The following MAP3K9 variants were observed in gnomAD, a reference collection of about 807,000 sequenced individuals.
MAP3K9 encodes the protein mixed lineage kinase 1 (tyr and ser/thr specificity).
In MAP3K9, 46 loss-of-function variants were observed where a neutral mutation model predicts 95.8. That is an observed-to-expected ratio of 0.48 (90% confidence interval 0.38 to 0.61). The LOEUF (loss-of-function observed/expected upper bound fraction) is 0.61, where lower values mean the gene tolerates loss of function less well. MAP3K9 is among the 20% of genes least tolerant of loss of function. The probability of loss-of-function intolerance (pLI) is 0.00; values close to 1 mark genes in which losing one functional copy is unlikely to be tolerated. For synonymous variants in MAP3K9, 533 were observed against 593.8 expected, an observed-to-expected ratio of 0.90 and a Z score of 1.49; for missense variants, 1,296 against 1,474.3, an observed-to-expected ratio of 0.88 and a Z score of 1.98.
chr14:70,800,647 C>A lies in MAP3K9; in HGVS notation c.820+20G>T. 6.2e-7 allele frequency: 1 copy of A among 1,604,976 alleles called. No homozygotes were observed. The highest frequency in any genetic ancestry group is 8.5e-7 in the Non-Finnish European group (1 of 1,175,204). ...CTGCAACTGCTCTGAGCCCCTCCAG[C>A]CCCATCTCTTCATACTCACTGTTGC... On this transcript the variant is annotated intron_variant, in intron 2 of 11. Coordinates refer to ENST00000554752, the MANE Select transcript of MAP3K9 (RefSeq NM_001284230.2).
At chr14:70,806,200 G>A (rs1286878198) in intron 1 of MAP3K9, among the ~76,000 whole-genome samples, 1 of 152,152 alleles carries the variant, frequency 6.6e-6, no homozygotes, top group African/African-American at 2.4e-5. Context: ...AACTGATCTG[G>A]TAGAGCACAT....
chr14:70,782,040 T>C (rs2054684376), intron 2 of MAP3K9, among the ~76,000 whole-genome samples: 1 of 152,154 alleles, frequency 6.6e-6, no homozygotes, highest in Admixed American at 6.5e-5. Context: ...CCTGCCCTAT[T>C]ACCAACTCTT....
At position 70,740,110 on chromosome 14, in the gene MAP3K9, C is replaced by CTCT. The variant is rs2054049213; in HGVS notation, c.1619_1621dup (p.Lys540dup). ...AGGACTGGAGCGGCTGTTGATAAGACTCTTCCTTTTATCCATGGTAGGGGA... is the reference window on the plus strand; with the variant it reads ...AGGACTGGAGCGGCTGTTGATAAGACTCTTCTTCCTTTTATCCATGGTAGGGGA... On this transcript the variant is annotated inframe_insertion, in exon 7 of 12. Coordinates refer to ENST00000554752, the MANE Select transcript of MAP3K9 (RefSeq NM_001284230.2). The CTCT allele has an allele frequency of 6.2e-7, 1 of 1,614,148 alleles. No homozygotes were observed. The highest frequency in any genetic ancestry group is 8.5e-7 in the Non-Finnish European group (1 of 1,180,030).
At chr14:70,797,816 C>G (rs1218140052) in intron 2 of MAP3K9, among the ~76,000 whole-genome samples, 3 of 152,152 alleles carry the variant, frequency 2.0e-5, no homozygotes, top group African/African-American at 7.2e-5. Flanking sequence ...CATCGAGGCT[C>G]ATATTAGACG....
intron 2 of MAP3K9, among the ~76,000 whole-genome samples, chr14:70,793,434 T>G (rs767933016): frequency 5.3e-5 from 8 of 152,150 alleles, no homozygotes; most frequent in South Asian, 2.1e-4. Flanking sequence ...CGCCTGTAAT[T>G]CCAACAGTTT....
At position 70,740,340 on chromosome 14, in the gene MAP3K9, G is replaced by C. The variant is rs567056855; in HGVS notation, c.1568-176C>G. Among the ~76,000 whole-genome samples, 8 of 152,234 alleles carry C rather than the reference G, an allele frequency of 5.3e-5. No individual in the cohort carries two copies. In the South Asian group the frequency reaches 1.5e-3, roughly 28 times the overall value. On this transcript the variant is annotated intron_variant, in intron 6 of 11. Transcript: ENST00000554752. The stretch of plus-strand genomic sequence containing the variant: ...TCATCTCTTTTTCCCAAGGGACATG[G>C]GGAGATGAACGTATAAAAAGATGGA...
Position 70,730,116 on chromosome 14 carries a change from G to A in MAP3K9, c.*264C>T, listed in dbSNP as rs1160222318. The stretch of plus-strand genomic sequence containing the variant: ...AAAGGCAAGGAAGACTGTGGAGGGT[G>A]GGGGACATGCATGCACCCCTTCCTC... On this transcript the variant is annotated 3_prime_UTR_variant, in exon 12 of 12. Transcript: ENST00000554752. 1.7e-5 allele frequency: 8 copies of A among 478,792 alleles called. No individual in the cohort carries two copies. The highest frequency in any genetic ancestry group is 3.6e-5 in the East Asian group (1 of 27,404). The allele number at this position is 478,792 out of a possible 1,614,324, so 29.7% of individuals were successfully genotyped here. A position where few individuals can be genotyped will look rare whatever the true frequency, so the allele number is the denominator to read the frequency against.
Position 70,809,389 on chromosome 14 carries a change from G to A in MAP3K9, c.-218C>T. 2.0e-6 allele frequency: 1 copy of A among 492,980 alleles called. No homozygotes were observed. Among genetic ancestry groups the A allele is most frequent in the Non-Finnish European group, 3.1e-6 (1 of 318,920 alleles). The allele number at this position is 492,980 out of a possible 1,614,324, so 30.5% of individuals were successfully genotyped here. On this transcript the variant is annotated 5_prime_UTR_variant, in exon 1 of 12. Transcript: ENST00000554752. Reference sequence around the variant, plus strand: ...CGAGCTCTTCGCGCAGCCTAGGGGCGCAGCGGGCCGAGTCCCCGCCTGCCC... The same window carrying A: ...CGAGCTCTTCGCGCAGCCTAGGGGCACAGCGGGCCGAGTCCCCGCCTGCCC...
chr14:70,742,341 G>A lies in MAP3K9; in HGVS notation c.1567+10C>T, dbSNP rs1052500407. On this transcript the variant is annotated intron_variant, in intron 6 of 11. Transcript: ENST00000554752. ...TGCTCCCACTTCCCAGCCAGTCCCC[G>A]GCCACTGACCAGAAGGGAGGCTGAT... is the stretch of plus-strand genomic sequence containing the variant. The A allele has an allele frequency of 6.2e-6, 10 of 1,611,936 alleles. No individual in the cohort carries two copies. Among genetic ancestry groups the A allele is most frequent in the African/African-American group, 4.0e-5 (3 of 74,876 alleles).
intron 2 of MAP3K9, among the ~76,000 whole-genome samples, chr14:70,780,808 T>C (rs991411168): frequency 6.6e-6 from 1 of 152,236 alleles, no homozygotes; most frequent in Admixed American, 6.5e-5. Context: ...ATCTCCGTCA[T>C]ACCTCTGAAG....
intron 2 of MAP3K9, among the ~76,000 whole-genome samples, chr14:70,765,863 C>T (rs1257315673): frequency 1.3e-5 from 2 of 151,488 alleles, no homozygotes; most frequent in Non-Finnish European, 2.9e-5. Flanking sequence ...CTCTGATGTT[C>T]GCACGATGAT....
chr14:70,739,015 G>T (rs1450125561), intron 7 of MAP3K9, among the ~76,000 whole-genome samples: 1 of 152,178 alleles, frequency 6.6e-6, no homozygotes, highest in Non-Finnish European at 1.5e-5. Flanking sequence ...AGGAGTTGAA[G>T]GGGCTGAGGC....
intron 2 of MAP3K9, among the ~76,000 whole-genome samples, chr14:70,781,492 G>C (rs1355997640): frequency 6.6e-6 from 1 of 152,160 alleles, no homozygotes; most frequent in Admixed American, 6.5e-5. Context: ...GTCTCCATGA[G>C]CTTAATAAAA....
chr14:70,782,280 G>A (rs1054735333), intron 2 of MAP3K9, among the ~76,000 whole-genome samples: 18 of 152,314 alleles, frequency 1.2e-4, no homozygotes, highest in Admixed American at 1.2e-3. Flanking sequence ...CTTACAGCAT[G>A]TATGCAATAG....
At chr14:70,791,851 C>G (rs2054811031) in intron 2 of MAP3K9, among the ~76,000 whole-genome samples, 1 of 152,252 alleles carries the variant, frequency 6.6e-6, no homozygotes, top group African/African-American at 2.4e-5. Flanking sequence ...AGAGGAGGGC[C>G]TGTGTCTTTT....
intron 1 of MAP3K9, among the ~76,000 whole-genome samples, chr14:70,802,336 G>T (rs1327870936): frequency 6.6e-6 from 1 of 152,164 alleles, no homozygotes; most frequent in East Asian, 1.9e-4. Context: ...TTCAAGCCCT[G>T]ATGATCCCAG....
intron 3 of MAP3K9, among the ~76,000 whole-genome samples, chr14:70,751,898 G>C (rs973588879): frequency 7.2e-5 from 11 of 152,100 alleles, no homozygotes; most frequent in African/African-American, 2.2e-4. Flanking sequence ...ATATTACTAA[G>C]GGCATACACA....
At chr14:70,799,575 A>C (rs1336025196) in intron 2 of MAP3K9, among the ~76,000 whole-genome samples, 1 of 151,654 alleles carries the variant, frequency 6.6e-6, no homozygotes, top group Admixed American at 6.6e-5. Flanking sequence ...TCCTGACCTC[A>C]TGATCTGCCC....
intron 9 of MAP3K9, among the ~76,000 whole-genome samples, chr14:70,735,331 G>A (rs2053970425): frequency 6.6e-6 from 1 of 151,228 alleles, no homozygotes; most frequent in Non-Finnish European, 1.5e-5. Flanking sequence ...GGCTATGGTT[G>A]CCCTGGAAAT....
Sources: allele counts gnomAD v4.1 joint callset (sites outside exome capture counted in the v4.1 genomes callset), GRCh38; gene constraint gnomAD v4.1.1; transcripts MANE v1.5; gene names NCBI Gene and HGNC (gene_info 2026-07-23, HGNC 2026-07-21).